Variants in PCDHGB7 observed in about 807,000 individuals in gnomAD.
The protein encoded by PCDHGB7 is protocadherin gamma-B7.
Under a neutral mutation model 61.4 loss-of-function variants are expected in PCDHGB7, and 37 were observed. The ratio of observed to expected loss-of-function variants is 0.60; its 90% CI spans 0.46 to 0.79. The LOEUF is 0.79. Ranked by LOEUF, PCDHGB7 falls within the 30% of genes least tolerant of loss-of-function variation. The pLI is 0.00. For missense variants in PCDHGB7, 1,166 were observed against 1,202.5 expected, an observed-to-expected ratio of 0.97 and a Z score of 0.45; for synonymous variants, 464 against 503.5, an observed-to-expected ratio of 0.92 and a Z score of 1.05.
At chr5:141,496,844 T>G (rs1275272674) in intron 2 of PCDHGB7, among the ~76,000 whole-genome samples, 2 of 150,852 alleles carry the variant, frequency 1.3e-5, no homozygotes, top group Non-Finnish European at 2.9e-5. Context: ...CTCATAGGCT[T>G]CCAGACCAGC....
At chr5:141,478,821 A>G (rs72790063) in intron 1 of PCDHGB7, 38,524 of 1,444,166 alleles carry the variant, frequency 0.027, 650 homozygotes, top group East Asian at 0.045. Flanking sequence ...CAACTAACCA[A>G]TCTTGCTAAG....
rs182936964 is a variant in PCDHGB7, at chr5:141,502,069, T to C, written c.2475-3324T>C. 1.1e-3 allele frequency among the ~76,000 whole-genome samples: 175 copies of C among 152,186 alleles called. 1 individual carries two copies. Among genetic ancestry groups the C allele is most frequent in the African/African-American group, 3.9e-3 (162 of 41,524 alleles). ...CCCTACTTTATTCCCATTAGCCCCC[T>C]TCACCTGGGGCTGAGAACACCTGGC... On this transcript the variant is annotated intron_variant, in intron 2 of 3. Coordinates refer to ENST00000398594, the MANE Select transcript of PCDHGB7 (RefSeq NM_018927.4).
intron 2 of PCDHGB7, among the ~76,000 whole-genome samples, chr5:141,502,829 C>A (rs1034808123): frequency 2.0e-5 from 3 of 150,428 alleles, no homozygotes; most frequent in African/African-American, 7.4e-5. Context: ...CTTGGGGAAG[C>A]CTGGACTGGC....
At chr5:141,447,937 T>A (rs1036604034) in intron 1 of PCDHGB7, among the ~76,000 whole-genome samples, 1 of 151,852 alleles carries the variant, frequency 6.6e-6, no homozygotes, top group Non-Finnish European at 1.5e-5. Context: ...AATACAAAAA[T>A]TAGCTGGGCA....
intron 1 of PCDHGB7, among the ~76,000 whole-genome samples, chr5:141,453,101 T>TTTTTG (rs879618609): frequency 3.2e-4 from 49 of 152,130 alleles, no homozygotes; most frequent in Middle Eastern, 6.8e-3. Flanking sequence ...TTCTGTTGCT[T>TTTTTG]TTTTGTTTTG....
rs768206517 is a variant in PCDHGB7, at chr5:141,432,482, G to A, written c.2415+12208G>A. 10 of 1,614,060 alleles carry A rather than the reference G, an allele frequency of 6.2e-6. No homozygotes were observed. The highest frequency in any genetic ancestry group is 1.3e-5 in the African/African-American group (1 of 74,946). On this transcript the variant is annotated intron_variant, in intron 1 of 3. Coordinates refer to ENST00000398594, the MANE Select transcript of PCDHGB7 (RefSeq NM_018927.4). The surrounding 1 kb of genome is among the most constrained non-coding windows in gnomAD (Gnocchi z 6.0). ...CCTCCCCACGGACGGTTCCACTGGC[G>A]TGGAGCTGGCTCCCCGCTCCGCAGA...
Position 141,476,935 on chromosome 5 carries a change from A to G in PCDHGB7, c.2416-17872A>G. The G allele has an allele frequency of 6.2e-7, 1 of 1,614,166 alleles. No homozygotes were observed. Among genetic ancestry groups the G allele is most frequent in the Non-Finnish European group, 8.5e-7 (1 of 1,180,046 alleles). Reference sequence around the variant, plus strand: ...AAGTCCTTGCAACGGATCTGGATGAAGGCCCCAACGGTGAAATTATTTACT... The same window carrying G: ...AAGTCCTTGCAACGGATCTGGATGAGGGCCCCAACGGTGAAATTATTTACT... On this transcript the variant is annotated intron_variant, in intron 1 of 3. Transcript: ENST00000398594. This position sits in a 1 kb window ranked among gnomAD's most constrained non-coding sequence, Gnocchi z 7.6.
At position 141,432,273 on chromosome 5, in the gene PCDHGB7, T is replaced by G. The variant is rs199937628; in HGVS notation, c.2415+11999T>G. 6.8e-6 allele frequency: 11 copies of G among 1,614,238 alleles called. No individual in the cohort carries two copies. In the Admixed American group the frequency reaches 1.7e-4, roughly 24 times the overall value. ...CAAGGGGCAAGCCTATCGTCCTACG[T>G]GTCCATCAACTCCGACACTGGGGTA... On this transcript the variant is annotated intron_variant, in intron 1 of 3. Coordinates refer to ENST00000398594, the MANE Select transcript of PCDHGB7 (RefSeq NM_018927.4). This position sits in a 1 kb window ranked among gnomAD's most constrained non-coding sequence, Gnocchi z 6.0.
rs138831045 is a variant in PCDHGB7 at position 141,462,238 on chromosome 5, G to A, written c.2416-32569G>A. Among the ~76,000 whole-genome samples the A allele has an allele frequency of 2.9e-3, 441 of 152,288 alleles. 3 individuals carry two copies. Among genetic ancestry groups the A allele is most frequent in the African/African-American group, 9.9e-3 (412 of 41,566 alleles). On this transcript the variant is annotated intron_variant, in intron 1 of 3. Coordinates refer to ENST00000398594, the MANE Select transcript of PCDHGB7 (RefSeq NM_018927.4). ...GCCTCCCAAAGTGCAGGGATTACAG[G>A]TATGAGCCACCATGACCAGCCTAAA...
intron 3 of PCDHGB7, among the ~76,000 whole-genome samples, chr5:141,510,117 T>C (rs1205620535): frequency 6.6e-6 from 1 of 151,908 alleles, no homozygotes; most frequent in East Asian, 1.9e-4. Context: ...TGTTTTGAAA[T>C]ACAAAAATTA....
intron 1 of PCDHGB7, among the ~76,000 whole-genome samples, chr5:141,463,573 C>T (rs1331124291): frequency 6.6e-6 from 1 of 151,436 alleles, no homozygotes; most frequent in East Asian, 1.9e-4. Flanking sequence ...CTCAGCCTCC[C>T]GAGTAGCTGG....
Position 141,432,538 on chromosome 5 carries a change from G to T in PCDHGB7, c.2415+12264G>T, listed in dbSNP as rs200601557. 1 of 1,613,908 alleles carries T rather than the reference G, an allele frequency of 6.2e-7. No individual in the cohort carries two copies. Among genetic ancestry groups the T allele is most frequent in the African/African-American group, 1.3e-5 (1 of 74,936 alleles). Reference sequence around the variant, plus strand: ...GCTACCTGGTGACCAAGGTGGTGGCGGTGGACAGAGACTCCGGCCAGAACG... The same window carrying T: ...GCTACCTGGTGACCAAGGTGGTGGCTGTGGACAGAGACTCCGGCCAGAACG... On this transcript the variant is annotated intron_variant, in intron 1 of 3. Coordinates refer to ENST00000398594, the MANE Select transcript of PCDHGB7 (RefSeq NM_018927.4). This position sits in a 1 kb window ranked among gnomAD's most constrained non-coding sequence, Gnocchi z 6.0.
intron 2 of PCDHGB7, among the ~76,000 whole-genome samples, chr5:141,502,517 G>A (rs1333510345): frequency 1.3e-5 from 2 of 152,128 alleles, no homozygotes; most frequent in Admixed American, 6.6e-5. Flanking sequence ...CCCACTATCA[G>A]TGATGCCGAG....
chr5:141,465,532 C>T (rs1175698109), intron 1 of PCDHGB7, among the ~76,000 whole-genome samples: 1 of 152,138 alleles, frequency 6.6e-6, no homozygotes, highest in Non-Finnish European at 1.5e-5. Flanking sequence ...GGAAGTTTTC[C>T]CAGGCATTTT....
rs373728953 is a variant in PCDHGB7 at position 141,491,753 on chromosome 5, C to A, written c.2416-3054C>A. The A allele has an allele frequency of 6.3e-7, 1 of 1,585,146 alleles. No homozygotes were observed. The highest frequency in any genetic ancestry group is 8.6e-7 in the Non-Finnish European group (1 of 1,166,912). On this transcript the variant is annotated intron_variant, in intron 1 of 3. Transcript: ENST00000398594. This position sits in a 1 kb window ranked among gnomAD's most constrained non-coding sequence, Gnocchi z 6.9. The stretch of plus-strand genomic sequence containing the variant: ...ACCCCTGGGGGCGGCACTGGAGAAG[C>A]CGCCCGTCCTCATAAGGGATTGAAC...
intron 1 of PCDHGB7, chr5:141,441,910 G>A: frequency 2.9e-6 from 1 of 349,440 alleles, no homozygotes; most frequent in Non-Finnish European, 5.5e-6. Flanking sequence ...AGACGCAGAT[G>A]TGAGACACAA....
intron 1 of PCDHGB7, among the ~76,000 whole-genome samples, chr5:141,494,188 T>G (rs2099752632): frequency 6.6e-6 from 1 of 152,186 alleles, no homozygotes; most frequent in Non-Finnish European, 1.5e-5. Flanking sequence ...GTCCCGGGAC[T>G]TGGATGCCCC....
chr5:141,490,098 T>C lies in PCDHGB7; in HGVS notation c.2416-4709T>C, dbSNP rs774132407. On this transcript the variant is annotated intron_variant, in intron 1 of 3. Transcript: ENST00000398594. The surrounding 1 kb of genome is among the most constrained non-coding windows in gnomAD (Gnocchi z 5.4). ...ACTATTCTTTTGGAGACCACACATCTGAGGCAGTGCGGAACCTCTTTGGCC... is the reference window on the plus strand; with the variant it reads ...ACTATTCTTTTGGAGACCACACATCCGAGGCAGTGCGGAACCTCTTTGGCC... The C allele has an allele frequency of 6.2e-7, 1 of 1,614,260 alleles. No homozygotes were observed. The highest frequency in any genetic ancestry group is 8.5e-7 in the Non-Finnish European group (1 of 1,180,038).
intron 1 of PCDHGB7, among the ~76,000 whole-genome samples, chr5:141,450,776 C>T (rs757791026): frequency 4.0e-5 from 6 of 151,440 alleles, no homozygotes; most frequent in Non-Finnish European, 8.8e-5. Context: ...CATGAGCCAC[C>T]GTGCCCGGAC....
Sources: gnomAD v4.1 joint callset for allele counts (sites outside exome capture counted in the v4.1 genomes callset) on GRCh38, gnomAD v4.1.1 for gene constraint, Gnocchi (gnomAD v3.1) non-coding constraint, MANE v1.5 for transcripts, NCBI Gene and HGNC (gene_info 2026-07-23, HGNC 2026-07-21) for gene names.